The following FCHSD2 variants were observed in gnomAD, a reference collection of about 807,000 sequenced individuals.
FCHSD2 encodes FCH and double SH3 domains 2.
FCHSD2 carries 38 observed loss-of-function variants against 108.1 expected under a neutral mutation model. The ratio of observed to expected loss-of-function variants is 0.35; its 90% CI spans 0.27 to 0.46. FCHSD2 has a LOEUF of 0.46. FCHSD2 is among the 20% of genes least tolerant of loss of function. The probability of loss-of-function intolerance (pLI) is 1.00; values close to 1 mark genes in which losing one functional copy is unlikely to be tolerated. For missense variants in FCHSD2, 751 were observed against 897.8 expected, an observed-to-expected ratio of 0.84 and a Z score of 2.09; for synonymous variants, 279 against 314.7, an observed-to-expected ratio of 0.89 and a Z score of 1.20.
chr11:73,011,919 T>C (rs766969558), intron 4 of FCHSD2, among the ~76,000 whole-genome samples: 10 of 152,148 alleles, frequency 6.6e-5, no homozygotes, highest in Non-Finnish European at 1.0e-4. Context: ...TGGTTCTTCT[T>C]AGTGGAGGAG....
intron 8 of FCHSD2, among the ~76,000 whole-genome samples, chr11:72,947,456 C>A (rs1856541604): frequency 1.3e-5 from 2 of 152,206 alleles, no homozygotes; most frequent in African/African-American, 4.8e-5. Flanking sequence ...GAACTAAAGC[C>A]AAAGTCAGTG....
chr11:73,027,333 T>C lies in FCHSD2; in HGVS notation c.166-11448A>G, dbSNP rs535621824. Among the ~76,000 whole-genome samples, 13 of 152,334 alleles carry C rather than the reference T, an allele frequency of 8.5e-5. No individual in the cohort carries two copies. In the East Asian group the frequency reaches 2.5e-3, roughly 29 times the overall value. On this transcript the variant is annotated intron_variant, in intron 3 of 19. Transcript: ENST00000409418. ...TCTTGCTATGCTTTAACAGAGAGACTGGCAGCATTTTGCCCCTGCCCTAGA... is the reference window on the plus strand; with the variant it reads ...TCTTGCTATGCTTTAACAGAGAGACCGGCAGCATTTTGCCCCTGCCCTAGA...
chr11:72,838,906 T>A (rs1370893655), intron 19 of FCHSD2, 32 bp from the exon 20 acceptor site: 16 of 1,573,602 alleles, frequency 1.0e-5, no homozygotes, highest in Non-Finnish European at 1.4e-5. Flanking sequence ...AGTTTGTCAG[T>A]CAGTTCCTGA....
chr11:73,010,179 C>A (rs1272180338), intron 4 of FCHSD2, among the ~76,000 whole-genome samples: 1 of 152,130 alleles, frequency 6.6e-6, no homozygotes, highest in Non-Finnish European at 1.5e-5. Flanking sequence ...TTGATCTAGT[C>A]TATTGTTGAA....
At chr11:72,884,586 T>C (rs1270239692) in intron 12 of FCHSD2, among the ~76,000 whole-genome samples, 1 of 146,440 alleles carries the variant, frequency 6.8e-6, no homozygotes, top group East Asian at 1.9e-4. Flanking sequence ...TAAAAGATCA[T>C]ATATATATAT....
In FCHSD2 at chr11:73,023,497, A is replaced by G. The variant is rs74458233; in HGVS notation, c.166-7612T>C. ...CTAAAATAATGTGGTACCACTACAC[A>G]TGTATTAGAATGCTAAATCCAAAAA... On this transcript the variant is annotated intron_variant, in intron 3 of 19. Transcript: ENST00000409418. 9.4e-3 allele frequency among the ~76,000 whole-genome samples: 1,437 copies of G among 152,326 alleles called. 25 individuals are homozygous for G. The highest frequency in any genetic ancestry group is 0.032 in the African/African-American group (1,311 of 41,582).
intron 3 of FCHSD2, among the ~76,000 whole-genome samples, chr11:73,054,833 G>T (rs1372083779): frequency 1.3e-5 from 2 of 152,188 alleles, no homozygotes; most frequent in African/African-American, 4.8e-5. Flanking sequence ...TGTGGGCCTG[G>T]TGGCATGTGC....
rs1174236413 is a variant in FCHSD2 at position 72,983,948 on chromosome 11, C to T, written c.705+140G>A. 5.4e-6 allele frequency: 4 copies of T among 736,588 alleles called. No individual in the cohort carries two copies. The Admixed American group carries it at 8.1e-5, about 15-fold the overall frequency. 45.6% of individuals were successfully genotyped at this position (736,588 alleles called of 1,614,324 possible). ...TTATCTGAAACAGATGCTATCCAAA[C>T]AATAACAAGTATATTCCAATGAGAT... is the stretch of plus-strand genomic sequence containing the variant. On this transcript the variant is annotated intron_variant, in intron 8 of 19. Transcript: ENST00000409418.
At chr11:72,902,664 G>C (rs990168961) in intron 9 of FCHSD2, 26 bp from the exon 10 acceptor site, 11 of 1,398,228 alleles carry the variant, frequency 7.9e-6, no homozygotes, top group African/African-American at 1.4e-5. Flanking sequence ...AATATCTTTA[G>C]GTCTTTAATG....
In FCHSD2 at chr11:73,059,841, A is replaced by G. The variant is rs1591521630; in HGVS notation, c.165+23854T>C. Among the ~76,000 whole-genome samples, 3 of 152,276 alleles carry G rather than the reference A, an allele frequency of 2.0e-5. No homozygotes were observed. The South Asian group carries it at 6.2e-4, about 32-fold the overall frequency. On this transcript the variant is annotated intron_variant, in intron 3 of 19. Coordinates refer to ENST00000409418, the MANE Select transcript of FCHSD2 (RefSeq NM_014824.3). The stretch of plus-strand genomic sequence containing the variant: ...TTAAGGAACAGACAACAGTTTTAGC[A>G]TACTCTCAAACAATCCTTGACTAAT...
At chr11:72,910,392 G>A (rs539991232) in intron 9 of FCHSD2, among the ~76,000 whole-genome samples, 44 of 152,270 alleles carry the variant, frequency 2.9e-4, no homozygotes, top group African/African-American at 8.9e-4. Flanking sequence ...AAGAAAAGGG[G>A]GAAATGTGGG....
intron 10 of FCHSD2, among the ~76,000 whole-genome samples, chr11:72,894,496 G>A (rs1431047236): frequency 6.6e-6 from 1 of 152,152 alleles, no homozygotes; most frequent in Non-Finnish European, 1.5e-5. Context: ...CAGCCTGGGT[G>A]ACAGAGCTTC....
chr11:72,912,877 T>C (rs770952024), intron 9 of FCHSD2, among the ~76,000 whole-genome samples: 14 of 152,164 alleles, frequency 9.2e-5, no homozygotes, highest in African/African-American at 3.1e-4. Context: ...CATTCTCACA[T>C]TGCTATAATG....
At chr11:72,964,789 CTTTT>C (rs35280672) in intron 8 of FCHSD2, among the ~76,000 whole-genome samples, 1 of 132,214 alleles carries the variant, frequency 7.6e-6, no homozygotes. Flanking sequence ...GATCATTTCA[CTTTT>C]TTTTTTTTTT....
intron 3 of FCHSD2, among the ~76,000 whole-genome samples, chr11:73,071,936 A>G: frequency 6.6e-6 from 1 of 152,086 alleles, no homozygotes; most frequent in East Asian, 1.9e-4. Flanking sequence ...ATACAGAGAA[A>G]GAGTCCACAG....
At chr11:72,925,907 A>G (rs1057199927) in intron 8 of FCHSD2, among the ~76,000 whole-genome samples, 1 of 152,198 alleles carries the variant, frequency 6.6e-6, no homozygotes, top group Non-Finnish European at 1.5e-5. Flanking sequence ...AGCAGGCAGG[A>G]GCCCCACCCT....
intron 3 of FCHSD2, among the ~76,000 whole-genome samples, chr11:73,045,095 A>G (rs1858728404): frequency 6.6e-6 from 1 of 152,042 alleles, no homozygotes; most frequent in Admixed American, 6.6e-5. Context: ...GAATGGGGTA[A>G]AAGTGGGCAA....
intron 3 of FCHSD2, among the ~76,000 whole-genome samples, chr11:73,058,485 T>C (rs997881243): frequency 6.6e-6 from 1 of 152,162 alleles, no homozygotes; most frequent in Non-Finnish European, 1.5e-5. Context: ...GATAGAAAGA[T>C]ACATAGTTAA....
intron 2 of FCHSD2, among the ~76,000 whole-genome samples, chr11:73,107,038 T>C (rs1860361135): frequency 6.6e-6 from 1 of 150,808 alleles, no homozygotes; most frequent in South Asian, 2.1e-4. Context: ...AGAAAAGCTA[T>C]ATATATATAT....
Sources: allele counts gnomAD v4.1 joint callset (sites outside exome capture counted in the v4.1 genomes callset), GRCh38; gene constraint gnomAD v4.1.1; transcripts MANE v1.5; gene names NCBI Gene and HGNC (gene_info 2026-07-23, HGNC 2026-07-21).